The following FNDC3A variants were observed in gnomAD, a reference collection of about 807,000 sequenced individuals.
FNDC3A encodes the protein fibronectin type-III domain-containing protein 3A.
FNDC3A carries 32 observed loss-of-function variants against 148.9 expected under a neutral mutation model. The ratio of observed to expected loss-of-function variants is 0.21; its 90% CI spans 0.16 to 0.29. FNDC3A has a LOEUF of 0.29. FNDC3A is among the 10% of genes least tolerant of loss of function. The probability of loss-of-function intolerance (pLI) is 1.00; values close to 1 mark genes in which losing one functional copy is unlikely to be tolerated. For synonymous variants in FNDC3A, 472 were observed against 473.6 expected, an observed-to-expected ratio of 1.00 and a Z score of 0.04; for missense variants, 1,191 against 1,452.8, an observed-to-expected ratio of 0.82 and a Z score of 2.93.
intron 8 of FNDC3A, among the ~76,000 whole-genome samples, chr13:49,147,544 A>G (rs1383606734): frequency 6.6e-6 from 1 of 152,146 alleles, no homozygotes; most frequent in Non-Finnish European, 1.5e-5. Flanking sequence ...AAAAAAAAAA[A>G]AAGTAGGGAA....
chr13:49,101,504 G>A (rs941353490), intron 3 of FNDC3A, among the ~76,000 whole-genome samples: 1 of 151,960 alleles, frequency 6.6e-6, no homozygotes, highest in Non-Finnish European at 1.5e-5. Context: ...TTAGCTGAAC[G>A]AGTCTACCTT....
chr13:49,154,259 G>A (rs1342070831), intron 8 of FNDC3A, among the ~76,000 whole-genome samples: 14 of 145,966 alleles, frequency 9.6e-5, no homozygotes, highest in Non-Finnish European at 1.8e-4. Context: ...GGATTCCTAG[G>A]TATTTTATTC....
intron 3 of FNDC3A, among the ~76,000 whole-genome samples, chr13:49,085,959 T>C (rs1048550400): frequency 7.2e-5 from 11 of 151,768 alleles, no homozygotes; most frequent in African/African-American, 2.2e-4. Context: ...CTCGGCTCAC[T>C]GCAACCTCTG....
chr13:49,007,655 C>G (rs1952246028), intron 2 of FNDC3A, among the ~76,000 whole-genome samples: 1 of 152,076 alleles, frequency 6.6e-6, no homozygotes, highest in African/African-American at 2.4e-5. Context: ...TCTCCTTCCC[C>G]CAGAAGGAAA....
chr13:49,041,927 A>G (rs1426647637), intron 2 of FNDC3A, among the ~76,000 whole-genome samples: 1 of 152,164 alleles, frequency 6.6e-6, no homozygotes, highest in African/African-American at 2.4e-5. Flanking sequence ...CTTTTATTCT[A>G]GTGGAGTGGA....
chr13:49,207,505 T>A lies in FNDC3A; in HGVS notation c.*110T>A. Reference sequence around the variant, plus strand: ...TGGCATTTAGCACTGGCATTGAGACTATAGCACATCATTTTTGCCATTTTC... The same window carrying A: ...TGGCATTTAGCACTGGCATTGAGACAATAGCACATCATTTTTGCCATTTTC... On this transcript the variant is annotated 3_prime_UTR_variant, in exon 26 of 26. Transcript: ENST00000492622. The A allele has an allele frequency of 1.4e-6, 1 of 690,990 alleles. No homozygotes were observed. Among genetic ancestry groups the A allele is most frequent in the Non-Finnish European group, 2.4e-6 (1 of 416,956 alleles). The allele number at this position is 690,990 out of a possible 1,614,324, so 42.8% of individuals were successfully genotyped here.
chr13:49,024,152 A>G (rs1873530827), intron 2 of FNDC3A, among the ~76,000 whole-genome samples: 1 of 152,054 alleles, frequency 6.6e-6, no homozygotes, highest in Non-Finnish European at 1.5e-5. Context: ...TACTGGACAC[A>G]TTCAACCAAC....
intron 25 of FNDC3A, among the ~76,000 whole-genome samples, chr13:49,206,268 T>C (rs1886638189): frequency 6.6e-6 from 1 of 152,198 alleles, no homozygotes; most frequent in Non-Finnish European, 1.5e-5. Context: ...TGGTCTAAAA[T>C]CACATCTGGA....
chr13:49,076,164 G>C (rs1878098102), intron 3 of FNDC3A, among the ~76,000 whole-genome samples: 8 of 152,178 alleles, frequency 5.3e-5, no homozygotes, highest in Admixed American at 5.2e-4. Context: ...TTTGGAATTA[G>C]AGAGAGAGAA....
At chr13:49,018,677 T>C (rs1445207887) in intron 2 of FNDC3A, among the ~76,000 whole-genome samples, 1 of 152,298 alleles carries the variant, frequency 6.6e-6, no homozygotes, top group Admixed American at 6.5e-5. Flanking sequence ...GGAGAGGTGC[T>C]CTGCTTTTTA....
At chr13:49,158,340 G>C (rs959396426) in intron 8 of FNDC3A, among the ~76,000 whole-genome samples, 3 of 152,208 alleles carry the variant, frequency 2.0e-5, no homozygotes, top group Non-Finnish European at 4.4e-5. Context: ...CTGACCCCTT[G>C]CGCTTCCCAA....
At chr13:49,188,154 T>G (rs1885684071) in intron 16 of FNDC3A, among the ~76,000 whole-genome samples, 1 of 152,228 alleles carries the variant, frequency 6.6e-6, no homozygotes, top group Non-Finnish European at 1.5e-5. Context: ...AAAAGATGTC[T>G]TTTAATTAGG....
Position 49,114,692 on chromosome 13 carries a change from T to C in FNDC3A, c.213T>C (p.Ser71=), listed in dbSNP as rs201445171. 9.3e-6 allele frequency: 15 copies of C among 1,613,482 alleles called. No homozygotes were observed. The highest frequency in any genetic ancestry group is 2.7e-5 in the African/African-American group (2 of 75,058). Residue 71 remains serine, a synonymous_variant, in exon 4 of 26, where the codon TCT becomes TCC. Coordinates refer to ENST00000492622, the MANE Select transcript of FNDC3A (RefSeq NM_001079673.2). ...AQVPMMSPNG[S]VPPIYVPPGY... Reference sequence around the variant, plus strand: ...TTCCAATGATGTCCCCAAATGGTTCTGTGCCTCCTATCTATGTGCCTCCTG... The same window carrying C: ...TTCCAATGATGTCCCCAAATGGTTCCGTGCCTCCTATCTATGTGCCTCCTG...
In FNDC3A at chr13:49,168,714, C is replaced by T. The variant is rs1005303672; in HGVS notation, c.1139C>T (p.Ala380Val). ...EPDIPNPPRI[A>V]NRTKNSLTLQ... ...GATATACCTAATCCACCAAGGATAG[C>T]CAATCGGACCAAAAATTCACTCACT... The change falls in exon 10 of 26, where the codon GCC becomes GTC. Residue 380 changes from alanine to valine, a missense_variant. Physicochemically the swap from Ala to Val is moderately conservative, Grantham distance 64. Around this residue, in one of 3 missense-constraint regions of FNDC3A, gnomAD observed 426 missense variants for 473.2 expected, o/e 0.90. Transcript: ENST00000492622. The T allele has an allele frequency of 1.2e-6, 2 of 1,613,316 alleles. No homozygotes were observed. The highest frequency in any genetic ancestry group is 1.3e-5 in the African/African-American group (1 of 74,886).
At position 49,131,033 on chromosome 13, in the gene FNDC3A, T is replaced by A. The variant is rs1881997105; in HGVS notation, c.253-104T>A. On this transcript the variant is annotated intron_variant, in intron 4 of 25. Coordinates refer to ENST00000492622, the MANE Select transcript of FNDC3A (RefSeq NM_001079673.2). ...CACCTGCCTCAGCCTCCCAAAGTGC[T>A]GGGACTAGAGGCATGAGCTACCGTG... The A allele has an allele frequency of 8.4e-6, 7 of 836,314 alleles. No homozygotes were observed. The South Asian group carries it at 1.1e-4, about 13-fold the overall frequency. The allele number at this position is 836,314 out of a possible 1,614,324, so 51.8% of individuals were successfully genotyped here. A position where few individuals can be genotyped will look rare whatever the true frequency, so the allele number is the denominator to read the frequency against.
At chr13:49,002,984 C>T (rs766077294) in intron 1 of FNDC3A, among the ~76,000 whole-genome samples, 14 of 152,148 alleles carry the variant, frequency 9.2e-5, no homozygotes, top group East Asian at 1.9e-4. Flanking sequence ...AAGTGATTTA[C>T]GAATTTTCAT....
intron 25 of FNDC3A, among the ~76,000 whole-genome samples, chr13:49,206,795 G>T (rs1018641600): frequency 3.9e-5 from 6 of 152,176 alleles, no homozygotes; most frequent in Non-Finnish European, 7.3e-5. Context: ...AAATGCTTGA[G>T]GACCGATTTT....
chr13:49,195,332 G>A (rs1886095925), intron 19 of FNDC3A, among the ~76,000 whole-genome samples: 1 of 152,082 alleles, frequency 6.6e-6, no homozygotes, highest in Admixed American at 6.5e-5. Flanking sequence ...TTAGCCTGAG[G>A]TATTAATGAC....
At chr13:49,187,279 T>A in intron 16 of FNDC3A, 89 bp downstream of exon 16, 1 of 1,054,566 alleles carries the variant, frequency 9.5e-7, no homozygotes, top group Admixed American at 2.2e-5. Flanking sequence ...ATATCTTTTC[T>A]TTCTTCTTGC....
Sources: gnomAD v4.1 joint callset for allele counts (sites outside exome capture counted in the v4.1 genomes callset) on GRCh38, gnomAD v4.1.1 for gene constraint, gnomAD v4.1.1 regional missense constraint, MANE v1.5 for transcripts, NCBI Gene and HGNC (gene_info 2026-07-23, HGNC 2026-07-21) for gene names.